The following CDK5RAP1 variants were observed in gnomAD, a reference collection of about 807,000 sequenced individuals.
CDK5RAP1 encodes the protein mitochondrial tRNA methylthiotransferase CDK5RAP1.
Under a neutral mutation model 64.5 loss-of-function variants are expected in CDK5RAP1, and 62 were observed. That is an observed-to-expected ratio of 0.96 (90% confidence interval 0.78 to 1.19). CDK5RAP1 has a LOEUF of 1.19. Among genes scored for constraint, CDK5RAP1 ranks in the 50% most tolerant of loss-of-function variants. The pLI, the probability that CDK5RAP1 is intolerant of heterozygous loss-of-function variation, is 0.00. For synonymous variants in CDK5RAP1, 250 were observed against 261.9 expected (o/e 0.95, Z 0.44); for missense variants, 657 against 735.0 (o/e 0.89, Z 1.23).
At chr20:33,366,349 C>T (rs1045387055) in intron 12 of CDK5RAP1, among the ~76,000 whole-genome samples, 5 of 146,202 alleles carry the variant, frequency 3.4e-5, no homozygotes, top group South Asian at 2.2e-4. Context: ...AGGCCGGGCA[C>T]GGTGGCTCAT....
chr20:33,381,225 T>TC (rs1302664333), intron 7 of CDK5RAP1, among the ~76,000 whole-genome samples: 1 of 151,804 alleles, frequency 6.6e-6, no homozygotes, highest in Non-Finnish European at 1.5e-5. Flanking sequence ...TACATTTTTT[T>TC]TAAGCCTTCT....
intron 7 of CDK5RAP1, among the ~76,000 whole-genome samples, chr20:33,381,075 T>C (rs1986697342): frequency 6.6e-6 from 1 of 152,188 alleles, no homozygotes; most frequent in African/African-American, 2.4e-5. Context: ...AACTTTGACA[T>C]AATTTACAGA....
At chr20:33,368,730 G>A (rs1984462165) in intron 11 of CDK5RAP1, among the ~76,000 whole-genome samples, 1 of 151,980 alleles carries the variant, frequency 6.6e-6, no homozygotes, top group African/African-American at 2.4e-5. Flanking sequence ...AATTAGCCAG[G>A]CGTGGTGGCA....
At chr20:33,385,518 A>G (rs1987309007) in intron 7 of CDK5RAP1, 132 bp downstream of exon 7, 2 of 999,716 alleles carry the variant, frequency 2.0e-6, no homozygotes, top group Admixed American at 2.4e-5. Context: ...ATGTACACAA[A>G]AGTAGTTCTT....
chr20:33,367,288 A>G (rs965690198), intron 11 of CDK5RAP1, among the ~76,000 whole-genome samples: 1 of 152,248 alleles, frequency 6.6e-6, no homozygotes, highest in Non-Finnish European at 1.5e-5. Context: ...ACACTTGTAC[A>G]TATACCAAAT....
At chr20:33,365,597 T>TAAA (rs11471267) in intron 12 of CDK5RAP1, among the ~76,000 whole-genome samples, 3 of 78,368 alleles carry the variant, frequency 3.8e-5, no homozygotes, top group African/African-American at 9.7e-5. Context: ...CTCTATAATG[T>TAAA]AAAAAAAAAA....
rs767524921 is a variant in CDK5RAP1 at position 33,360,457 on chromosome 20, C to T, written c.1577G>A (p.Arg526Lys). ...SKRSATDLCGRNDGNLKVIFP... is the reference protein window; with the variant it reads ...SKRSATDLCGKNDGNLKVIFP... Reference sequence around the variant, plus strand: ...GATCACCTTAAGGTTTCCATCATTCCTGCCACACAGGTCAGTGGCAGAGCG... The same window carrying T: ...GATCACCTTAAGGTTTCCATCATTCTTGCCACACAGGTCAGTGGCAGAGCG... Residue 526 changes from arginine (R) to lysine (K), a missense_variant, in exon 13 of 14, where the codon AGG (arginine) becomes AAG (lysine). Arg to Lys is a conservative substitution (Grantham distance 26, BLOSUM62 2). Transcript: ENST00000346416. 73 of 1,613,748 alleles carry T rather than the reference C, an allele frequency of 4.5e-5. No homozygotes were observed. Among genetic ancestry groups the T allele is most frequent in the Non-Finnish European group, 5.5e-5 (65 of 1,179,848 alleles).
intron 13 of CDK5RAP1, 199 bp downstream of exon 13, chr20:33,360,152 G>A (rs888242562): frequency 3.5e-6 from 2 of 576,758 alleles, no homozygotes; most frequent in Non-Finnish European, 3.1e-6. Flanking sequence ...TTCCAGGGCA[G>A]GAGAATAGGT....
chr20:33,389,548 AG>A (rs1025852360), intron 5 of CDK5RAP1, among the ~76,000 whole-genome samples: 3 of 146,330 alleles, frequency 2.1e-5, no homozygotes, highest in African/African-American at 7.7e-5. Flanking sequence ...TGGGGGGGTC[AG>A]CCCCCGCCCG....
At chr20:33,397,176 C>G (rs867954890) in intron 1 of CDK5RAP1, 92 bp from the exon 2 acceptor site, 1 of 909,426 alleles carries the variant, frequency 1.1e-6, no homozygotes. Flanking sequence ...TCTATTTACC[C>G]CTCACAAAAG....
At chr20:33,378,713 G>A (rs772065322) in intron 8 of CDK5RAP1, among the ~76,000 whole-genome samples, 4 of 152,176 alleles carry the variant, frequency 2.6e-5, no homozygotes, top group South Asian at 2.1e-4. Context: ...TCACATGCTC[G>A]CTGGTAAAAC....
At chr20:33,379,790 T>C (rs1986511657) in intron 7 of CDK5RAP1, 99 bp from the exon 8 acceptor site, 4 of 904,978 alleles carry the variant, frequency 4.4e-6, no homozygotes, top group Middle Eastern at 2.8e-4. Flanking sequence ...TCTTTTGTTT[T>C]AAACAAAAGA....
At chr20:33,398,824 G>A (rs1161892800) in intron 1 of CDK5RAP1, among the ~76,000 whole-genome samples, 1 of 152,072 alleles carries the variant, frequency 6.6e-6, no homozygotes, top group Non-Finnish European at 1.5e-5. Flanking sequence ...TACTCAGGAG[G>A]TTGAGATGAA....
At chr20:33,372,276 TAA>T (rs140253341) in intron 10 of CDK5RAP1, among the ~76,000 whole-genome samples, 7 of 139,002 alleles carry the variant, frequency 5.0e-5, no homozygotes, top group African/African-American at 1.3e-4. Flanking sequence ...TTCTTATTTC[TAA>T]AAAAAAAAAA....
chr20:33,379,492 G>A lies in CDK5RAP1; in HGVS notation c.1076C>T (p.Thr359Ile). Residue 359 changes from threonine (T) to isoleucine (I), a missense_variant, in exon 8 of 14, where the codon ACC becomes ATC. Physicochemically the swap from Thr to Ile is moderately conservative, Grantham distance 89. Transcript: ENST00000346416. ...AGGAAAATCCTTGGGGTGGGGAGAG[G>A]TAAAACGGATCCTCATTTCAGGATC... is the stretch of plus-strand genomic sequence containing the variant. ...RVDPEMRIRF[T>I]SPHPKDFPDE... 1 of 1,613,784 alleles carries A rather than the reference G, an allele frequency of 6.2e-7. No individual in the cohort carries two copies. Among genetic ancestry groups the A allele is most frequent in the Non-Finnish European group, 8.5e-7 (1 of 1,179,698 alleles).
At chr20:33,393,115 T>C (rs1005913538) in intron 4 of CDK5RAP1, among the ~76,000 whole-genome samples, 9 of 152,108 alleles carry the variant, frequency 5.9e-5, no homozygotes, top group African/African-American at 1.9e-4. Flanking sequence ...CCTGACCTCA[T>C]GATATGCCCA....
chr20:33,400,750 G>C (rs1331853358), intron 1 of CDK5RAP1, among the ~76,000 whole-genome samples: 1 of 152,042 alleles, frequency 6.6e-6, no homozygotes, highest in Non-Finnish European at 1.5e-5. Flanking sequence ...GCGGGGCAGG[G>C]GCTACAGTGA....
At chr20:33,367,118 CAT>C in intron 11 of CDK5RAP1, 110 bp from the exon 12 acceptor site, 1 of 1,079,564 alleles carries the variant, frequency 9.3e-7, no homozygotes, top group Non-Finnish European at 1.3e-6. Flanking sequence ...GTAACAGACA[CAT>C]GTACAGAAAC....
rs1169886385 is a variant in CDK5RAP1 at position 33,374,156 on chromosome 20, G to A, written c.1164C>T (p.Ala388=). 6.2e-7 allele frequency: 1 copy of A among 1,613,976 alleles called. No individual in the cohort carries two copies. The highest frequency in any genetic ancestry group is 8.5e-7 in the Non-Finnish European group (1 of 1,179,882). The change falls in exon 9 of 14, where the codon GCC becomes GCT. Residue 388 remains alanine (A), a synonymous_variant. Coordinates refer to ENST00000346416, the MANE Select transcript of CDK5RAP1 (RefSeq NM_016408.4). ...DNICKQIHLP[A]QSGSSRVLEA... is the part of the protein sequence containing the mutation. ...CCAACACACGGCTGCTTCCACTCTG[G>A]GCTGGCAGGTGGATCTGTTTACAGA...
Sources: gnomAD v4.1 joint callset for allele counts (sites outside exome capture counted in the v4.1 genomes callset) on GRCh38, gnomAD v4.1.1 for gene constraint, MANE v1.5 for transcripts, NCBI Gene and HGNC (gene_info 2026-07-23, HGNC 2026-07-21) for gene names.